Variants in YWHAE observed in about 807,000 individuals in gnomAD.
YWHAE encodes the protein 14-3-3 protein epsilon.
A neutral mutation model predicts 30.1 loss-of-function variants in YWHAE; 4 were observed. The observed-to-expected ratio is 0.13, with a 90% confidence interval of 0.07 to 0.30. YWHAE has a LOEUF of 0.30. Among genes scored for constraint, YWHAE ranks in the 10% least tolerant of loss-of-function variants. The pLI is 1.00. For synonymous variants in YWHAE, 118 were observed against 111.8 expected, an observed-to-expected ratio of 1.06 and a Z score of -0.35; for missense variants, 121 against 315.9, an observed-to-expected ratio of 0.38 and a Z score of 4.68.
At chr17:1,365,359 A>C (rs1476945609) in intron 1 of YWHAE, among the ~76,000 whole-genome samples, 1 of 152,156 alleles carries the variant, frequency 6.6e-6, no homozygotes, top group African/African-American at 2.4e-5. Flanking sequence ...AGGCACACCT[A>C]ACTATTTTCC....
intron 1 of YWHAE, chr17:1,399,748 T>G (rs1037151422): frequency 2.7e-5 from 2 of 72,918 alleles, no homozygotes; most frequent in African/African-American, 7.3e-5. Flanking sequence ...CTCCTCCCCC[T>G]CCCCCGCCCC....
intron 4 of YWHAE, among the ~76,000 whole-genome samples, chr17:1,355,753 G>A (rs1350693206): frequency 6.6e-6 from 1 of 152,176 alleles, no homozygotes; most frequent in Non-Finnish European, 1.5e-5. Flanking sequence ...ACAAGGAGGA[G>A]GCTGGCTGTG....
chr17:1,374,405 C>T (rs988142816), intron 1 of YWHAE, among the ~76,000 whole-genome samples: 3 of 151,938 alleles, frequency 2.0e-5, no homozygotes, highest in Non-Finnish European at 2.9e-5. Context: ...CTGCTACGAA[C>T]GTTCTTTAAG....
At chr17:1,394,445 A>AAAAAAC (rs2073434652) in intron 1 of YWHAE, among the ~76,000 whole-genome samples, 1 of 142,504 alleles carries the variant, frequency 7.0e-6, no homozygotes, top group African/African-American at 2.9e-5. Context: ...ACAAAAAAAA[A>AAAAAAC]AAAAAAAAAA....
chr17:1,349,502 T>C (rs534964336), intron 5 of YWHAE, among the ~76,000 whole-genome samples: 37 of 152,326 alleles, frequency 2.4e-4, no homozygotes, highest in African/African-American at 8.4e-4. Context: ...AAGCATTATA[T>C]AAATAAAAAG....
At chr17:1,370,984 G>A (rs911688964) in intron 1 of YWHAE, among the ~76,000 whole-genome samples, 54 of 152,076 alleles carry the variant, frequency 3.6e-4, no homozygotes, top group Non-Finnish European at 1.6e-4. Flanking sequence ...GGGCGACACA[G>A]CGAGACTCCT....
intron 1 of YWHAE, 107 bp downstream of exon 1, chr17:1,399,940 G>C (rs2073542130): frequency 1.4e-6 from 2 of 1,409,278 alleles, no homozygotes; most frequent in Middle Eastern, 1.8e-4. Flanking sequence ...CCAAGCCCCC[G>C]GGCCAGGCTC....
intron 5 of YWHAE, among the ~76,000 whole-genome samples, chr17:1,347,359 G>C (rs2072541992): frequency 6.6e-6 from 1 of 151,480 alleles, no homozygotes; most frequent in Non-Finnish European, 1.5e-5. Flanking sequence ...CATACGCTGG[G>C]CATGGGGCCA....
chr17:1,392,027 G>C (rs1228779456), intron 1 of YWHAE, among the ~76,000 whole-genome samples: 3 of 151,948 alleles, frequency 2.0e-5, no homozygotes, highest in Non-Finnish European at 4.4e-5. Flanking sequence ...TGGGCAACAT[G>C]GTAAAATCCT....
At chr17:1,350,690 C>T (rs62087917) in intron 5 of YWHAE, among the ~76,000 whole-genome samples, 1,954 of 152,084 alleles carry the variant, frequency 0.013, 22 homozygotes, top group Non-Finnish European at 0.022. Context: ...GATCCGTCCA[C>T]TTCGGCCTCC....
At chr17:1,368,637 C>T (rs896836373) in intron 1 of YWHAE, among the ~76,000 whole-genome samples, 1 of 151,382 alleles carries the variant, frequency 6.6e-6, no homozygotes, top group Admixed American at 6.6e-5. Context: ...AGTCTGAAAG[C>T]ATTCATCTAA....
chr17:1,345,910 C>CT (rs2072509388), intron 5 of YWHAE, among the ~76,000 whole-genome samples: 2 of 152,324 alleles, frequency 1.3e-5, no homozygotes, highest in Admixed American at 1.3e-4. Flanking sequence ...AATTTACCCA[C>CT]AAGCTAATTA....
chr17:1,361,668 T>C lies in YWHAE; in HGVS notation c.371+234A>G, dbSNP rs1324949816. On this transcript the variant is annotated intron_variant, in intron 3 of 5. Coordinates refer to ENST00000264335, the MANE Select transcript of YWHAE (RefSeq NM_006761.5). ...ATAACACTAAGCACTGTGAAATGTA[T>C]GCCGTTTGGGGGAGGGGAATGGGAT... 12 of 466,276 alleles carry C rather than the reference T, an allele frequency of 2.6e-5. No individual in the cohort carries two copies. In the East Asian group the frequency reaches 3.8e-4, roughly 15 times the overall value. 28.9% of individuals were successfully genotyped at this position (466,276 alleles called of 1,614,324 possible). A position where few individuals can be genotyped will look rare whatever the true frequency, so the allele number is the denominator to read the frequency against.
intron 1 of YWHAE, among the ~76,000 whole-genome samples, chr17:1,393,078 C>T (rs1038522471): frequency 2.6e-5 from 4 of 151,504 alleles, no homozygotes; most frequent in Middle Eastern, 3.4e-3. Flanking sequence ...TGGTGGATCG[C>T]GCCACTGTAC....
chr17:1,377,352 C>T (rs923747711), intron 1 of YWHAE, among the ~76,000 whole-genome samples: 1 of 152,158 alleles, frequency 6.6e-6, no homozygotes, highest in Non-Finnish European at 1.5e-5. Flanking sequence ...AATGACTTTG[C>T]AACCAGAGTG....
At chr17:1,374,724 T>TG (rs1425503906) in intron 1 of YWHAE, among the ~76,000 whole-genome samples, 1 of 152,254 alleles carries the variant, frequency 6.6e-6, no homozygotes, top group East Asian at 1.9e-4. Flanking sequence ...CTTTTGCGTA[T>TG]GTTCTCTGGA....
At position 1,388,113 on chromosome 17, in the gene YWHAE, GGTTGGTTTTTTTTTT is replaced by G. The variant is rs2073332487; in HGVS notation, c.64+11919_64+11933del. Among the ~76,000 whole-genome samples, 23 of 35,136 alleles carry G rather than the reference GGTTGGTTTTTTTTTT, an allele frequency of 6.5e-4. 1 individual carries two copies. Among genetic ancestry groups the G allele is most frequent in the Non-Finnish European group, 1.1e-3 (22 of 20,568 alleles). 23.1% of individuals were successfully genotyped at this position (35,136 alleles called of 152,430 possible). A position where few individuals can be genotyped will look rare whatever the true frequency, so the allele number is the denominator to read the frequency against. ...CTGGGTAATTTTTGTTTTTTTTTTTGGTTGGTTTTTTTTTTTTTTTTTTTTTTTTAGTAGAGACGA... is the reference window on the plus strand; with the variant it reads ...CTGGGTAATTTTTGTTTTTTTTTTTGTTTTTTTTTTTTTTAGTAGAGACGA... On this transcript the variant is annotated intron_variant, in intron 1 of 5. Coordinates refer to ENST00000264335, the MANE Select transcript of YWHAE (RefSeq NM_006761.5).
At chr17:1,356,901 T>C (rs895803441) in intron 4 of YWHAE, among the ~76,000 whole-genome samples, 29 of 151,932 alleles carry the variant, frequency 1.9e-4, no homozygotes, top group Admixed American at 1.3e-4. Flanking sequence ...TCCTCAAACT[T>C]TGAAAGGCTT....
chr17:1,398,048 C>G (rs1252042305), intron 1 of YWHAE, among the ~76,000 whole-genome samples: 1 of 152,166 alleles, frequency 6.6e-6, no homozygotes, highest in Non-Finnish European at 1.5e-5. Context: ...CAATCACAAG[C>G]TTTCAAATCA....
Sources: allele counts gnomAD v4.1 joint callset (sites outside exome capture counted in the v4.1 genomes callset), GRCh38; gene constraint gnomAD v4.1.1; transcripts MANE v1.5; gene names NCBI Gene and HGNC (gene_info 2026-07-23, HGNC 2026-07-21).